CHD1: variants seen among roughly 807,000 people sequenced by gnomAD.
The protein encoded by CHD1 is ATP-dependent chromatin remodeler CHD1.
A neutral mutation model predicts 224.2 loss-of-function variants in CHD1; 36 were observed. The observed-to-expected ratio is 0.16, with a 90% CI of 0.12 to 0.21. CHD1 has a LOEUF of 0.21. CHD1 is among the 10% of genes least tolerant of loss of function. CHD1 has a pLI of 1.00. For missense variants in CHD1, 1,378 were observed against 1,994.8 expected (o/e 0.69, Z 5.89); for synonymous variants, 668 against 658.3 (o/e 1.01, Z -0.23).
At chr5:98,918,768 A>T (rs962847491) in intron 2 of CHD1, among the ~76,000 whole-genome samples, 6 of 133,942 alleles carry the variant, frequency 4.5e-5, no homozygotes, top group African/African-American at 5.9e-5. Flanking sequence ...AAAAAAAAAA[A>T]CAAAAAAAAA....
intron 17 of CHD1, among the ~76,000 whole-genome samples, chr5:98,886,644 A>G (rs111616986): frequency 1.3e-5 from 2 of 152,198 alleles, no homozygotes; most frequent in African/African-American, 4.8e-5. Context: ...GAAAAAATAT[A>G]AACATTTTAA....
chr5:98,924,031 G>A (rs1753283291), intron 2 of CHD1, among the ~76,000 whole-genome samples: 1 of 152,196 alleles, frequency 6.6e-6, no homozygotes, highest in Non-Finnish European at 1.5e-5. Flanking sequence ...CAAGGTGGGA[G>A]GACTGCTTGA....
chr5:98,881,044 G>T, intron 22 of CHD1, 32 bp downstream of exon 22: 1 of 1,240,414 alleles, frequency 8.1e-7, no homozygotes, highest in Non-Finnish European at 1.2e-6. Context: ...CTCAATTTAT[G>T]TAATTACAAG....
chr5:98,883,168 C>A lies in CHD1; in HGVS notation c.2638G>T (p.Val880Phe). The change falls in exon 19 of 36, where the codon GTT becomes TTT. Residue 880 changes from valine to phenylalanine, a missense_variant. Transcript: ENST00000614616. ...GGATTCCAATCGGAATCAAATATAA[C>A]AACAGTGTCAGCAGAGGCTAAATTA... The part of the protein sequence containing the change: ...GINLASADTV[V>F]IFDSDWNPQN... The A allele has an allele frequency of 6.2e-7, 1 of 1,609,986 alleles. No individual in the cohort carries two copies. The highest frequency in any genetic ancestry group is 8.5e-7 in the Non-Finnish European group (1 of 1,178,020).
At chr5:98,901,771 A>G (rs902240364) in intron 5 of CHD1, among the ~76,000 whole-genome samples, 2 of 151,730 alleles carry the variant, frequency 1.3e-5, no homozygotes, top group South Asian at 2.1e-4. Context: ...AAAGAGCAAC[A>G]GTAGTACCAT....
At chr5:98,888,909 T>C (rs1750826341) in intron 16 of CHD1, among the ~76,000 whole-genome samples, 167 bp downstream of exon 16, 1 of 152,234 alleles carries the variant, frequency 6.6e-6, no homozygotes, top group African/African-American at 2.4e-5. Context: ...ATTAGAATTT[T>C]AAAGTCTTTT....
At chr5:98,893,387 A>G in intron 14 of CHD1, 29 bp downstream of exon 14, 1 of 1,501,656 alleles carries the variant, frequency 6.7e-7, no homozygotes, top group Non-Finnish European at 9.1e-7. Flanking sequence ...TATCCACACA[A>G]TATGATTAAA....
intron 10 of CHD1, among the ~76,000 whole-genome samples, chr5:98,897,818 CT>C (rs1751438502): frequency 6.6e-6 from 1 of 152,146 alleles, no homozygotes; most frequent in Non-Finnish European, 1.5e-5. Flanking sequence ...CAAGGTAGTT[CT>C]GGATACTTTC....
chr5:98,868,387 A>C (rs1580369622), intron 31 of CHD1, 108 bp downstream of exon 31: 1 of 922,482 alleles, frequency 1.1e-6, no homozygotes, highest in Non-Finnish European at 1.6e-6. Context: ...TGCTTTTATC[A>C]ATCTACAATA....
Position 98,926,439 on chromosome 5 carries a change from A to C in CHD1, c.-53T>G. On this transcript the variant is annotated 5_prime_UTR_variant, in exon 2 of 36. Coordinates refer to ENST00000614616, the MANE Select transcript of CHD1 (RefSeq NM_001270.4). ...GTAAAATATAAATCTTCCCAGTTTA[A>C]AAGATGAATATAAATACTGACTCCT... is the stretch of plus-strand genomic sequence containing the variant. 1.0e-6 allele frequency: 1 copy of C among 969,464 alleles called. No individual in the cohort carries two copies. The highest frequency in any genetic ancestry group is 1.5e-6 in the Non-Finnish European group (1 of 664,264). 60.1% of individuals were successfully genotyped at this position (969,464 alleles called of 1,614,324 possible).
chr5:98,898,628 A>T, intron 9 of CHD1, 36 bp downstream of exon 9: 1 of 1,364,034 alleles, frequency 7.3e-7, no homozygotes, highest in East Asian at 2.3e-5. Flanking sequence ...TTTCAAGCAT[A>T]AAAAGAAAGT....
chr5:98,910,467 C>T (rs979584635), intron 2 of CHD1, among the ~76,000 whole-genome samples: 3 of 152,032 alleles, frequency 2.0e-5, no homozygotes, highest in Admixed American at 2.0e-4. Context: ...ATAGAGACTG[C>T]TTTCTTACTA....
chr5:98,857,850 G>T (rs1409232152), intron 35 of CHD1, among the ~76,000 whole-genome samples: 1 of 151,762 alleles, frequency 6.6e-6, no homozygotes, highest in Non-Finnish European at 1.5e-5. Flanking sequence ...ATTATATCAA[G>T]CTTTTATCCC....
At chr5:98,908,463 C>T (rs931264307) in intron 2 of CHD1, among the ~76,000 whole-genome samples, 2 of 151,996 alleles carry the variant, frequency 1.3e-5, no homozygotes, top group Non-Finnish European at 2.9e-5. Flanking sequence ...GTTCCTTGAG[C>T]GCTGGGATTG....
At chr5:98,856,865 C>A (rs1356790609) in intron 35 of CHD1, 140 bp from the exon 36 acceptor site, 2 of 616,552 alleles carry the variant, frequency 3.2e-6, no homozygotes, top group East Asian at 2.8e-5. Flanking sequence ...ATAAAACTTA[C>A]TTAATTAACT....
chr5:98,875,066 AT>A lies in CHD1; in HGVS notation c.3440+5del. The A allele has an allele frequency of 7.2e-7, 1 of 1,385,338 alleles. No individual in the cohort carries two copies. Among genetic ancestry groups the A allele is most frequent in the Non-Finnish European group, 1.0e-6 (1 of 980,166 alleles). 85.8% of individuals were successfully genotyped at this position (1,385,338 alleles called of 1,614,324 possible). ...ATTATTCTATGAGAATAATAAACGT[AT>A]TTACCTTTCCAGAGGACCACCAAAT... On this transcript the variant is annotated splice_donor_5th_base_variant and intron_variant, in intron 25 of 35. Transcript: ENST00000614616.
At chr5:98,899,119 T>C (rs1337934530) in intron 8 of CHD1, among the ~76,000 whole-genome samples, 1 of 152,166 alleles carries the variant, frequency 6.6e-6, no homozygotes, top group Non-Finnish European at 1.5e-5. Flanking sequence ...AAGTCCCTTA[T>C]ATGAAATGAC....
Position 98,876,516 on chromosome 5 carries a change from T to C in CHD1, c.3280A>G (p.Arg1094Gly), listed in dbSNP as rs763818188. ...GSEGRRSRSR[R>G]YSGSDSDSIS... is the part of the protein sequence containing the mutation. ...GAATCACTATCAGATCCAGAGTATC[T>C]CCTACTTCTACTGCGCCTCCCTTCA... The change falls in exon 24 of 36, where the codon AGA becomes GGA. Residue 1094 changes from arginine to glycine, a missense_variant. By Grantham distance (125) the Arg-to-Gly change is moderately radical. This residue lies in a region of CHD1 where 286 missense variants were observed against 445.1 expected (regional missense o/e 0.64). Coordinates refer to ENST00000614616, the MANE Select transcript of CHD1 (RefSeq NM_001270.4). 6.2e-7 allele frequency: 1 copy of C among 1,614,010 alleles called. No individual in the cohort carries two copies. The highest frequency in any genetic ancestry group is 8.5e-7 in the Non-Finnish European group (1 of 1,179,930).
intron 2 of CHD1, among the ~76,000 whole-genome samples, chr5:98,911,146 A>ATATATATATATATATATATATATATAT (rs1554081078): frequency 2.6e-5 from 1 of 39,132 alleles, no homozygotes; most frequent in Non-Finnish European, 4.5e-5. Context: ...AAAAAAAAAA[A>ATATATATATATATATATATATATATAT]ATATATATAT....
Sources: allele counts gnomAD v4.1 joint callset (sites outside exome capture counted in the v4.1 genomes callset), GRCh38; gene constraint gnomAD v4.1.1; regional missense constraint gnomAD v4.1.1; transcripts MANE v1.5; gene names NCBI Gene and HGNC (gene_info 2026-07-23, HGNC 2026-07-21).